COL11A1: variants seen among roughly 807,000 people sequenced by gnomAD.
The protein encoded by COL11A1 is collagen type XI alpha 1 chain.
In COL11A1, 74 loss-of-function variants were observed where a neutral mutation model predicts 265.2. The ratio of observed to expected loss-of-function variants is 0.28; its 90% CI spans 0.23 to 0.34. The LOEUF is 0.34. COL11A1 is among the 10% of genes least tolerant of loss of function. COL11A1 has a pLI of 1.00. For missense variants in COL11A1, 2,165 were observed against 2,263.6 expected, an observed-to-expected ratio of 0.96 and a Z score of 0.88; for synonymous variants, 816 against 727.6, an observed-to-expected ratio of 1.12 and a Z score of -1.96.
chr1:103,107,584 T>C (rs1455422608), intron 1 of COL11A1, among the ~76,000 whole-genome samples: 2 of 148,006 alleles, frequency 1.4e-5, no homozygotes, highest in East Asian at 4.1e-4. Context: ...AGCCTGCTTC[T>C]CACTTGGTTG....
At chr1:102,883,097 A>G (rs74108030) in intron 64 of COL11A1, 102 bp downstream of exon 64, 1 of 802,786 alleles carries the variant, frequency 1.2e-6, no homozygotes, top group Admixed American at 1.8e-5. Context: ...TAAGAAAAGC[A>G]GATAAATGAA....
At chr1:102,944,382 T>C (rs1489164532) in intron 42 of COL11A1, among the ~76,000 whole-genome samples, 1 of 152,122 alleles carries the variant, frequency 6.6e-6, no homozygotes, top group Non-Finnish European at 1.5e-5. Context: ...CCTTCAAAAG[T>C]ATAATGCTAA....
At chr1:102,939,308 T>C (rs766612219) in intron 43 of COL11A1, among the ~76,000 whole-genome samples, 18 of 152,224 alleles carry the variant, frequency 1.2e-4, no homozygotes, top group Non-Finnish European at 2.5e-4. Flanking sequence ...ATACTACAAC[T>C]GAATTTATAA....
chr1:102,957,731 C>T (rs992878778), intron 41 of COL11A1, among the ~76,000 whole-genome samples: 3 of 151,944 alleles, frequency 2.0e-5, no homozygotes, highest in Non-Finnish European at 2.9e-5. Context: ...GTCAAGATGA[C>T]TTGAAAATGA....
rs573907182 is a variant in COL11A1 at position 102,901,321 on chromosome 1, A to G, written c.4087-2327T>C. Reference sequence around the variant, plus strand: ...GGAAATAAAAGCAAAACTCTGTCTAAAAAAAAAAAAAAAAAACTGAGGCTG... The same window carrying G: ...GGAAATAAAAGCAAAACTCTGTCTAGAAAAAAAAAAAAAAAACTGAGGCTG... On this transcript the variant is annotated intron_variant, in intron 54 of 66. Transcript: ENST00000370096. Among the ~76,000 whole-genome samples the G allele has an allele frequency of 4.4e-5, 5 of 114,080 alleles. No homozygotes were observed. The East Asian group carries it at 1.6e-3, about 37-fold the overall frequency. The allele number at this position is 114,080 out of a possible 152,430, so 74.8% of individuals were successfully genotyped here.
chr1:102,921,817 G>C (rs1025281329), intron 47 of COL11A1, among the ~76,000 whole-genome samples: 1 of 152,154 alleles, frequency 6.6e-6, no homozygotes, highest in Admixed American at 6.5e-5. Flanking sequence ...GGCCAAGAAA[G>C]CCTATTGCTA....
intron 57 of COL11A1, among the ~76,000 whole-genome samples, chr1:102,897,370 AT>A (rs1326426831): frequency 1.3e-5 from 2 of 151,754 alleles, no homozygotes; most frequent in Non-Finnish European, 2.9e-5. Flanking sequence ...ATGATTTGCC[AT>A]TTTGATTAAT....
chr1:103,082,854 T>C lies in COL11A1; in HGVS notation c.225A>G (p.Arg75=), dbSNP rs924524488. Residue 75 remains arginine, a synonymous_variant, in exon 2 of 67, where the codon AGA becomes AGG. Transcript: ENST00000370096. The part of the protein sequence containing the change: ...KNSKGSDTAY[R]VSKQAQLSAP... Reference sequence around the variant, plus strand: ...CACTGAGTTGTGCTTGCTTTGAAACTCTGTAAGCAGTATCTGAGCCTTTAG... The same window carrying C: ...CACTGAGTTGTGCTTGCTTTGAAACCCTGTAAGCAGTATCTGAGCCTTTAG... 5.0e-6 allele frequency: 8 copies of C among 1,613,734 alleles called. No homozygotes were observed. The highest frequency in any genetic ancestry group is 1.1e-5 in the South Asian group (1 of 91,066).
chr1:103,007,888 A>G (rs1665769076), intron 15 of COL11A1, among the ~76,000 whole-genome samples: 1 of 139,574 alleles, frequency 7.2e-6, no homozygotes, highest in Non-Finnish European at 1.6e-5. Context: ...AAAAAAAAAG[A>G]TTGTCTACAG....
At chr1:102,886,261 T>G (rs1650958751) in intron 63 of COL11A1, among the ~76,000 whole-genome samples, 1 of 152,160 alleles carries the variant, frequency 6.6e-6, no homozygotes, top group African/African-American at 2.4e-5. Flanking sequence ...TTGTTATTAG[T>G]AAGTAAGCTA....
chr1:102,964,741 C>A (rs1184131601), intron 38 of COL11A1, among the ~76,000 whole-genome samples: 2 of 152,080 alleles, frequency 1.3e-5, no homozygotes, highest in Non-Finnish European at 2.9e-5. Flanking sequence ...TACGTATTCA[C>A]CTGCTTTTGC....
At chr1:102,911,113 T>C (rs533919292) in intron 54 of COL11A1, among the ~76,000 whole-genome samples, 11 of 152,196 alleles carry the variant, frequency 7.2e-5, no homozygotes, top group East Asian at 3.9e-4. Flanking sequence ...GATAAATCTA[T>C]TGACACTGAG....
intron 1 of COL11A1, among the ~76,000 whole-genome samples, chr1:103,103,170 TA>T (rs918588761): frequency 4.6e-5 from 7 of 151,862 alleles, no homozygotes; most frequent in South Asian, 4.2e-4. Flanking sequence ...GCCACTTGTT[TA>T]AAAAAAAACT....
chr1:102,931,613 T>A (rs1220230569), intron 46 of COL11A1, among the ~76,000 whole-genome samples: 1 of 152,086 alleles, frequency 6.6e-6, no homozygotes, highest in Non-Finnish European at 1.5e-5. Context: ...TTAGGTCCAC[T>A]TGGTGCAGAG....
At chr1:102,979,023 A>G in intron 33 of COL11A1, 37 bp downstream of exon 33, 1 of 1,613,030 alleles carries the variant, frequency 6.2e-7, no homozygotes, top group Admixed American at 1.7e-5. Context: ...TAAATTCAAT[A>G]TGAAAAATGT....
chr1:102,924,552 CTTTT>C (rs560025216), intron 46 of COL11A1, among the ~76,000 whole-genome samples: 98 of 152,234 alleles, frequency 6.4e-4, no homozygotes, highest in African/African-American at 2.2e-3. Flanking sequence ...CATCAGTGAT[CTTTT>C]AGGTGTTAAC....
At chr1:102,967,587 G>A (rs963955602) in intron 37 of COL11A1, among the ~76,000 whole-genome samples, 1 of 151,998 alleles carries the variant, frequency 6.6e-6, no homozygotes, top group East Asian at 1.9e-4. Flanking sequence ...TAGCCAATAG[G>A]GGCCCAGTAT....
chr1:102,927,215 G>A (rs1656695879), intron 46 of COL11A1, among the ~76,000 whole-genome samples: 1 of 152,054 alleles, frequency 6.6e-6, no homozygotes, highest in Non-Finnish European at 1.5e-5. Flanking sequence ...TCTAGGTTCA[G>A]TGAACTAGAT....
intron 30 of COL11A1, among the ~76,000 whole-genome samples, chr1:102,984,611 TAC>T (rs1476973147): frequency 6.6e-6 from 1 of 152,068 alleles, no homozygotes; most frequent in Non-Finnish European, 1.5e-5. Flanking sequence ...ATCTTTTTGA[TAC>T]AGTTATTTCA....
Sources: allele counts gnomAD v4.1 joint callset (sites outside exome capture counted in the v4.1 genomes callset), GRCh38; gene constraint gnomAD v4.1.1; transcripts MANE v1.5; gene names NCBI Gene and HGNC (gene_info 2026-07-23, HGNC 2026-07-21).